COL4A5: variants seen among roughly 807,000 people sequenced by gnomAD.
The protein encoded by COL4A5 is collagen alpha-5(IV) chain.
A neutral mutation model predicts 130.2 loss-of-function variants in COL4A5; 26 were observed. That is an observed-to-expected ratio of 0.20 (90% CI 0.15 to 0.28). COL4A5 has a LOEUF of 0.28. Among genes scored for constraint, COL4A5 ranks in the 10% least tolerant of loss-of-function variants. The pLI, the probability that COL4A5 is intolerant of heterozygous loss-of-function variation, is 1.00. For synonymous variants in COL4A5, 496 were observed against 439.6 expected (o/e 1.13, Z -1.60); for missense variants, 1,131 against 1,344.3 (o/e 0.84, Z 2.48).
intron 1 of COL4A5, among the ~76,000 whole-genome samples, chrX:108,524,523 A>G (rs2065294972): frequency 9.3e-6 from 1 of 108,006 alleles, no homozygotes; most frequent in Admixed American, 9.8e-5. Context: ...AATCTTTATT[A>G]TTTCCTTCTT....
chrX:108,544,144 T>A lies in COL4A5; in HGVS notation c.141+4339T>A, dbSNP rs752970902. ...GCCCTGGCCAGAACTTCCAACACTATGTTGAATAGGAGTGGTGAGAGAGGG... is the reference window on the plus strand; with the variant it reads ...GCCCTGGCCAGAACTTCCAACACTAAGTTGAATAGGAGTGGTGAGAGAGGG... On this transcript the variant is annotated intron_variant, in intron 2 of 52. Coordinates refer to ENST00000328300, the MANE Select transcript of COL4A5 (RefSeq NM_033380.3). Among the ~76,000 whole-genome samples, 4 of 111,963 alleles carry A rather than the reference T, an allele frequency of 3.6e-5. No homozygotes were observed. The East Asian group carries it at 8.4e-4, about 24-fold the overall frequency.
At chrX:108,531,957 C>T (rs1169720604) in intron 1 of COL4A5, among the ~76,000 whole-genome samples, 1 of 111,251 alleles carries the variant, frequency 9.0e-6, no homozygotes, top group Non-Finnish European at 1.9e-5. Flanking sequence ...ATTCTCCCTA[C>T]GAAGAAAAGC....
chrX:108,511,016 A>G (rs1335387143), intron 1 of COL4A5, among the ~76,000 whole-genome samples: 2 of 111,273 alleles, frequency 1.8e-5, no homozygotes, highest in African/African-American at 6.5e-5. Flanking sequence ...GCTATTTGAA[A>G]CTATATATTA....
Position 108,687,557 on chromosome X carries a change from T to C in COL4A5, c.4391T>C (p.Val1464Ala). The C allele has an allele frequency of 8.3e-7, 1 of 1,211,605 alleles. No individual in the cohort carries two copies. Among genetic ancestry groups the C allele is most frequent in the Non-Finnish European group, 1.1e-6 (1 of 895,424 alleles). Residue 1464 changes from valine to alanine, a missense_variant, in exon 49 of 53, where the codon GTT (valine) becomes GCT (alanine). Transcript: ENST00000328300. ...CCAGGTCCCCCTGGAACCTCCTCTG[T>C]TGCACATGGATTTCTTATTACACGC... ...GPPGPPGTSS[V>A]AHGFLITRHS... is the part of the protein sequence containing the mutation.
At chrX:108,657,489 G>T (rs1265266232) in intron 37 of COL4A5, among the ~76,000 whole-genome samples, 1 of 111,273 alleles carries the variant, frequency 9.0e-6, no homozygotes, top group Non-Finnish European at 1.9e-5. Context: ...TAATTTTTTT[G>T]CAGGGGAAAT....
At chrX:108,481,668 C>T (rs2064893972) in intron 1 of COL4A5, among the ~76,000 whole-genome samples, 1 of 111,551 alleles carries the variant, frequency 9.0e-6, no homozygotes, top group Non-Finnish European at 1.9e-5. Context: ...TTGCCTTTGG[C>T]GGTTGAGTAC....
intron 21 of COL4A5, among the ~76,000 whole-genome samples, chrX:108,594,921 C>T (rs2066489690): frequency 9.0e-6 from 1 of 110,589 alleles, no homozygotes. Context: ...TGCAGTGGTG[C>T]AATCACAGCT....
At chrX:108,674,187 T>A (rs2068260514) in intron 42 of COL4A5, among the ~76,000 whole-genome samples, 1 of 111,738 alleles carries the variant, frequency 8.9e-6, no homozygotes, top group Admixed American at 9.6e-5. Flanking sequence ...ATTCATGTTT[T>A]GATTTTTCTA....
At chrX:108,528,978 A>G (rs1203767351) in intron 1 of COL4A5, among the ~76,000 whole-genome samples, 2 of 111,961 alleles carry the variant, frequency 1.8e-5, no homozygotes, top group Non-Finnish European at 3.8e-5. Context: ...CTAGGTAGAT[A>G]TAATGCAAAG....
intron 31 of COL4A5, 108 bp downstream of exon 31, chrX:108,620,534 A>G (rs1464771889): frequency 1.6e-6 from 1 of 642,440 alleles, no homozygotes; most frequent in African/African-American, 2.2e-5. Flanking sequence ...TGATCCCTTA[A>G]GGATGAGCAT....
At chrX:108,583,313 C>T (rs752794957) in intron 17 of COL4A5, among the ~76,000 whole-genome samples, 2 of 111,837 alleles carry the variant, frequency 1.8e-5, no homozygotes, top group Non-Finnish European at 3.8e-5. Flanking sequence ...TGTAGAACGT[C>T]GCCACTAAAC....
chrX:108,459,280 T>C (rs1380520904), intron 1 of COL4A5, among the ~76,000 whole-genome samples: 1 of 111,671 alleles, frequency 9.0e-6, no homozygotes, highest in Non-Finnish European at 1.9e-5. Context: ...ATAGATTTGC[T>C]TCTTTCTTTC....
rs1569492954 is a variant in COL4A5, at chrX:108,591,059, G to A, written c.1167G>A (p.Gly389=). The A allele has an allele frequency of 8.3e-7, 1 of 1,208,634 alleles. No individual in the cohort carries two copies. The highest frequency in any genetic ancestry group is 1.8e-5 in the South Asian group (1 of 56,876). ...TTTGATCACTTTTTTGAATCTTAGG[G>A]GCTGCAGTTATGGGTCCTCCTGGCC... ...QGPPGLPGPP[G]AAVMGPPGPP... The change falls in exon 20 of 53, where the codon GGG becomes GGA. Residue 389 remains glycine (G), a splice_region_variant and synonymous_variant. Transcript: ENST00000328300.
At position 108,686,072 on chromosome X, in the gene COL4A5, C is replaced by T. The variant is rs1340537647; in HGVS notation, c.4258C>T (p.Pro1420Ser). The change falls in exon 48 of 53, where the codon CCT becomes TCT. Residue 1420 changes from proline to serine, a missense_variant. Physicochemically the swap from Pro to Ser is moderately conservative, Grantham distance 74 (BLOSUM62 -1). Coordinates refer to ENST00000328300, the MANE Select transcript of COL4A5 (RefSeq NM_033380.3). ...PPGDPGRNGL[P>S]GFDGAGGRKG... ...AGGAGATCCTGGACGCAATGGACTC[C>T]CTGGCTTTGATGGTGCAGGAGGGCG... 8.3e-7 allele frequency: 1 copy of T among 1,209,256 alleles called. No individual in the cohort carries two copies. The highest frequency in any genetic ancestry group is 1.8e-5 in the African/African-American group (1 of 56,999).
intron 30 of COL4A5, among the ~76,000 whole-genome samples, chrX:108,617,618 C>T (rs2066953888): frequency 8.9e-6 from 1 of 111,918 alleles, no homozygotes; most frequent in African/African-American, 3.2e-5. Flanking sequence ...TATTTTTCAT[C>T]TCATGACCTG....
rs200247683 is a variant in COL4A5 at position 108,680,662 on chromosome X, T to G, written c.3943-17T>G. The stretch of plus-strand genomic sequence containing the variant: ...CGCTGCAATTTTTTTGTAACATTAA[T>G]GATTTTATTTATTCAGGGTAATCCT... On this transcript the variant is annotated splice_polypyrimidine_tract_variant and intron_variant, in intron 44 of 52. Transcript: ENST00000328300. The G allele has an allele frequency of 2.4e-5, 29 of 1,198,331 alleles. No individual in the cohort carries two copies. In the African/African-American group the frequency reaches 4.4e-4, roughly 18 times the overall value.
intron 36 of COL4A5, among the ~76,000 whole-genome samples, chrX:108,632,088 A>G (rs951230679): frequency 2.7e-5 from 3 of 111,606 alleles, no homozygotes; most frequent in Non-Finnish European, 5.6e-5. Flanking sequence ...TAGCAAGACT[A>G]GTAAAGAAGA....
intron 36 of COL4A5, 176 bp downstream of exon 36, chrX:108,626,525 G>C (rs1255186783): frequency 2.6e-6 from 3 of 1,148,138 alleles, no homozygotes; most frequent in Non-Finnish European, 3.5e-6. Context: ...TTTAGGGTTT[G>C]TGGCCAGTCC....
At chrX:108,603,084 C>G in intron 28 of COL4A5, 23 bp downstream of exon 28, 1 of 994,493 alleles carries the variant, frequency 1.0e-6, no homozygotes, top group Non-Finnish European at 1.4e-6. Flanking sequence ...TTTCTTTATT[C>G]CTTCTCATTT....
Sources: allele counts gnomAD v4.1 joint callset (sites outside exome capture counted in the v4.1 genomes callset), GRCh38; gene constraint gnomAD v4.1.1; transcripts MANE v1.5; gene names NCBI Gene and HGNC (gene_info 2026-07-23, HGNC 2026-07-21).